The following RASA3 variants were observed in gnomAD, a reference collection of about 807,000 sequenced individuals.
The protein encoded by RASA3 is ras GTPase-activating protein 3.
Under a neutral mutation model 110.0 loss-of-function variants are expected in RASA3, and 73 were observed. The ratio of observed to expected loss-of-function variants is 0.66; its 90% CI spans 0.55 to 0.81. The LOEUF is 0.81. Among genes scored for constraint, RASA3 ranks in the 30% least tolerant of loss-of-function variants. RASA3 has a pLI of 0.00. For synonymous variants in RASA3, 500 were observed against 451.4 expected (o/e 1.11, Z -1.37); for missense variants, 976 against 1,113.2 (o/e 0.88, Z 1.75).
chr13:114,043,837 G>GCCCCCCCCCCCCCCCCCCCCCCCCCCT (rs544129523), intron 3 of RASA3, among the ~76,000 whole-genome samples: 4 of 22,826 alleles, frequency 1.8e-4, no homozygotes, highest in Admixed American at 5.9e-4. Flanking sequence ...CACTCGCTGA[G>GCCCCCCCCCCCCCCCCCCCCCCCCCCT]CCCCCCGCCC....
intron 1 of RASA3, among the ~76,000 whole-genome samples, chr13:114,098,002 A>G (rs865951592): frequency 6.6e-5 from 10 of 152,044 alleles, no homozygotes; most frequent in Non-Finnish European, 2.9e-5. Flanking sequence ...CCAGATGGAG[A>G]CCTCAGACAA....
intron 9 of RASA3, among the ~76,000 whole-genome samples, chr13:114,020,345 G>A (rs2053899876): frequency 6.6e-6 from 1 of 152,244 alleles, no homozygotes; most frequent in Non-Finnish European, 1.5e-5. Flanking sequence ...CTGTGTGCGA[G>A]GCATTAGCAC....
At chr13:114,016,391 C>T (rs2053792753) in intron 12 of RASA3, 120 bp from the exon 13 acceptor site, 5 of 785,566 alleles carry the variant, frequency 6.4e-6, no homozygotes, top group South Asian at 5.6e-5. Flanking sequence ...GAAAATGCCA[C>T]GACAGCTCCC....
At chr13:114,061,334 G>A (rs960514954) in intron 2 of RASA3, among the ~76,000 whole-genome samples, 5 of 151,996 alleles carry the variant, frequency 3.3e-5, no homozygotes, top group Admixed American at 1.3e-4. Context: ...CGCAAACTAC[G>A]GTTGCCTGAA....
Position 114,009,425 on chromosome 13 carries a change from A to C in RASA3, c.1630T>G (p.Phe544Val). The C allele has an allele frequency of 6.2e-7, 1 of 1,612,550 alleles. No homozygotes were observed. The highest frequency in any genetic ancestry group is 1.1e-5 in the South Asian group (1 of 91,080). The stretch of plus-strand genomic sequence containing the variant: ...TCAGCATATTTCTGCTCATTGAAGA[A>C]TTCATAAAATGTAGCCATGTAGGAC... ...KESYMATFYE[F>V]FNEQKYADAV... Residue 544 changes from phenylalanine (F) to valine (V), a missense_variant, in exon 17 of 24, where the codon TTC becomes GTC. Physicochemically the swap from Phe to Val is conservative, Grantham distance 50. This residue lies in a region of RASA3 where 732 missense variants were observed against 779.7 expected (regional missense o/e 0.94). Coordinates refer to ENST00000334062, the MANE Select transcript of RASA3 (RefSeq NM_007368.4).
At chr13:113,996,977 T>G (rs1205209750) in intron 20 of RASA3, among the ~76,000 whole-genome samples, 3 of 152,218 alleles carry the variant, frequency 2.0e-5, no homozygotes, top group Admixed American at 1.3e-4. Flanking sequence ...AGGTGAGAAC[T>G]GGTGCAGCTG....
chr13:114,000,548 G>A (rs973233320), intron 19 of RASA3, among the ~76,000 whole-genome samples: 7 of 152,198 alleles, frequency 4.6e-5, no homozygotes, highest in Non-Finnish European at 7.4e-5. Flanking sequence ...AGGAAGGGAC[G>A]TGGACAGAAA....
At position 114,011,071 on chromosome 13, in the gene RASA3, T is replaced by G. The variant is rs1453362474; in HGVS notation, c.1590+100A>C. Reference sequence around the variant, plus strand: ...CGGCTTTGATTCTTGATCTTTATCTTACGACTCTCTCAAATGTGGGAGGTT... The same window carrying G: ...CGGCTTTGATTCTTGATCTTTATCTGACGACTCTCTCAAATGTGGGAGGTT... On this transcript the variant is annotated intron_variant, in intron 16 of 23. Coordinates refer to ENST00000334062, the MANE Select transcript of RASA3 (RefSeq NM_007368.4). The surrounding 1 kb of genome is among the most constrained non-coding windows in gnomAD (Gnocchi z 4.8). 2.7e-6 allele frequency: 3 copies of G among 1,120,102 alleles called. No homozygotes were observed. The highest frequency in any genetic ancestry group is 2.0e-5 in the Admixed American group (1 of 49,682). The allele number at this position is 1,120,102 out of a possible 1,614,324, so 69.4% of individuals were successfully genotyped here.
rs2079100055 is a variant in RASA3, at chr13:114,048,955, T to G, written c.277+3097A>C. On this transcript the variant is annotated intron_variant, in intron 3 of 23. Coordinates refer to ENST00000334062, the MANE Select transcript of RASA3 (RefSeq NM_007368.4). This position sits in a 1 kb window ranked among gnomAD's most constrained non-coding sequence, Gnocchi z 4.3. Reference sequence around the variant, plus strand: ...CGCCGTATCCCGGCACGGCTTCAGCTGCCTTTCTCGGTTTCTGTCGCCACC... The same window carrying G: ...CGCCGTATCCCGGCACGGCTTCAGCGGCCTTTCTCGGTTTCTGTCGCCACC... Among the ~76,000 whole-genome samples, 1 of 152,004 alleles carries G rather than the reference T, an allele frequency of 6.6e-6. No individual in the cohort carries two copies. Among genetic ancestry groups the G allele is most frequent in the South Asian group, 2.1e-4 (1 of 4,802 alleles).
intron 1 of RASA3, among the ~76,000 whole-genome samples, chr13:114,075,419 A>T (rs1026490681): frequency 6.6e-5 from 10 of 152,210 alleles, no homozygotes; most frequent in Non-Finnish European, 1.5e-4. Context: ...TGTGAGAAGG[A>T]GCAGAAGCCC....
chr13:114,124,567 A>G (rs1329725172), intron 1 of RASA3, among the ~76,000 whole-genome samples: 1 of 152,204 alleles, frequency 6.6e-6, no homozygotes, highest in East Asian at 1.9e-4. Flanking sequence ...ACCCTGAACC[A>G]TCTGTCACAG....
rs2053924349 is a variant in RASA3 at position 114,021,397 on chromosome 13, A to T, written c.785+7T>A. The T allele has an allele frequency of 1.2e-6, 2 of 1,613,116 alleles. No individual in the cohort carries two copies. Among genetic ancestry groups the T allele is most frequent in the Non-Finnish European group, 1.7e-6 (2 of 1,179,312 alleles). On this transcript the variant is annotated splice_region_variant and intron_variant, in intron 9 of 23. Transcript: ENST00000334062. ...TGCGGAAGTCTGCAGGTGCAACATCATCTTACCACGCCTCGTAGGAGCTGG... is the reference window on the plus strand; with the variant it reads ...TGCGGAAGTCTGCAGGTGCAACATCTTCTTACCACGCCTCGTAGGAGCTGG...
Position 114,065,358 on chromosome 13 carries a change from G to T in RASA3, c.173+8362C>A, listed in dbSNP as rs987884860. The stretch of plus-strand genomic sequence containing the variant: ...CATTTCCCAAACGCTGGGGGGAGCC[G>T]GGAGCTGCCAGGGCTGCCCCAGCCT... On this transcript the variant is annotated intron_variant, in intron 2 of 23. Transcript: ENST00000334062. The surrounding 1 kb of genome is among the most constrained non-coding windows in gnomAD (Gnocchi z 4.1). Among the ~76,000 whole-genome samples the T allele has an allele frequency of 6.6e-6, 1 of 152,180 alleles. No individual in the cohort carries two copies. The highest frequency in any genetic ancestry group is 2.4e-5 in the African/African-American group (1 of 41,440).
intron 1 of RASA3, among the ~76,000 whole-genome samples, chr13:114,095,523 G>T (rs1016146886): frequency 7.9e-5 from 12 of 152,174 alleles, no homozygotes; most frequent in African/African-American, 2.9e-4. Context: ...CCTTGATGCA[G>T]CCTCATGTTT....
intron 1 of RASA3, among the ~76,000 whole-genome samples, chr13:114,074,252 G>C (rs1306434120): frequency 6.6e-6 from 1 of 152,110 alleles, no homozygotes; most frequent in African/African-American, 2.4e-5. Flanking sequence ...CCCAAACGGA[G>C]ACTCGGTCCC....
At chr13:114,063,685 A>C (rs971580810) in intron 2 of RASA3, among the ~76,000 whole-genome samples, 18 of 152,304 alleles carry the variant, frequency 1.2e-4, no homozygotes, top group African/African-American at 4.3e-4. Context: ...AGGGGTGAGC[A>C]CCCTGGGAAC....
At position 114,028,516 on chromosome 13, in the gene RASA3, G is replaced by A. The variant is rs377341617; in HGVS notation, c.450-589C>T. Among the ~76,000 whole-genome samples, 1,202 of 132,946 alleles carry A rather than the reference G, an allele frequency of 9.0e-3. 20 individuals carry two copies. The highest frequency in any genetic ancestry group is 0.032 in the African/African-American group (1,124 of 34,592). The allele number at this position is 132,946 out of a possible 152,430, so 87.2% of individuals were successfully genotyped here. ...TGGGAGCCAGGACCTCTAAAACAGC[G>A]TCATCCTGGGGGCCCAGAACCTCTA... On this transcript the variant is annotated intron_variant, in intron 5 of 23. Coordinates refer to ENST00000334062, the MANE Select transcript of RASA3 (RefSeq NM_007368.4).
chr13:114,094,094 T>C (rs901565701), intron 1 of RASA3, among the ~76,000 whole-genome samples: 1 of 152,196 alleles, frequency 6.6e-6, no homozygotes, highest in Non-Finnish European at 1.5e-5. Context: ...CACATTTGCC[T>C]GAATGTTCTT....
intron 6 of RASA3, 39 bp downstream of exon 6, chr13:114,027,808 C>T (rs751013619): frequency 2.1e-5 from 34 of 1,592,494 alleles, no homozygotes; most frequent in Middle Eastern, 1.7e-4. Context: ...CCTAGCCCCC[C>T]AGGACCAGAA....
Sources: allele counts gnomAD v4.1 joint callset (sites outside exome capture counted in the v4.1 genomes callset), GRCh38; gene constraint gnomAD v4.1.1; regional missense constraint gnomAD v4.1.1; non-coding constraint Gnocchi (gnomAD v3.1); transcripts MANE v1.5; gene names NCBI Gene and HGNC (gene_info 2026-07-23, HGNC 2026-07-21).